Variants in NBAS observed in about 807,000 individuals in gnomAD.
NBAS encodes the protein NBAS subunit of NRZ tethering complex.
Under a neutral mutation model 302.5 loss-of-function variants are expected in NBAS, and 219 were observed. That is an observed-to-expected ratio of 0.72 (90% CI 0.65 to 0.81). The LOEUF (loss-of-function observed/expected upper bound fraction) is 0.81, where lower values mean the gene tolerates loss of function less well. NBAS is among the 30% of genes least tolerant of loss of function. NBAS has a pLI of 0.00. For missense variants in NBAS, 2,932 were observed against 2,841.6 expected, an observed-to-expected ratio of 1.03 and a Z score of -0.72; for synonymous variants, 1,118 against 1,021.6, an observed-to-expected ratio of 1.09 and a Z score of -1.80.
At chr2:15,553,739 ACT>A (rs1664492522) in intron 4 of NBAS, among the ~76,000 whole-genome samples, 1 of 37,394 alleles carries the variant, frequency 2.7e-5, no homozygotes, top group Non-Finnish European at 5.5e-5. Flanking sequence ...GCTCCCTCCC[ACT>A]CTCTCTCCCT....
the NBAS span, among the ~76,000 whole-genome samples, chr2:14,829,135 A>C: frequency 6.6e-6 from 1 of 151,916 alleles, no homozygotes; most frequent in African/African-American, 2.4e-5. Context: ...AGAATAGAAG[A>C]AGCCAAGGAT....
At chr2:14,880,990 T>G in the NBAS span, among the ~76,000 whole-genome samples, 37 of 151,306 alleles carry the variant, frequency 2.4e-4, no homozygotes, top group African/African-American at 8.7e-4. Context: ...ATCAGACTTC[T>G]CAATAACAGC....
At chr2:15,540,804 C>CCTCCATCT (rs1663778603) in intron 6 of NBAS, among the ~76,000 whole-genome samples, 1 of 151,978 alleles carries the variant, frequency 6.6e-6, no homozygotes, top group Admixed American at 6.6e-5. Flanking sequence ...CTCACTGCAA[C>CCTCCATCT]CTCCATCTCC....
chr2:14,876,675 AT>A, the NBAS span, among the ~76,000 whole-genome samples: 1 of 152,218 alleles, frequency 6.6e-6, no homozygotes, highest in Non-Finnish European at 1.5e-5. Context: ...AAGAATTATT[AT>A]TTTTGGTTGG....
chr2:14,904,052 C>T, the NBAS span, among the ~76,000 whole-genome samples: 2 of 152,196 alleles, frequency 1.3e-5, no homozygotes, highest in African/African-American at 4.8e-5. Context: ...GGGCATTTCT[C>T]ATTTTGTGTT....
intron 44 of NBAS, among the ~76,000 whole-genome samples, chr2:15,264,385 A>G (rs1166605539): frequency 6.6e-6 from 1 of 152,214 alleles, no homozygotes; most frequent in South Asian, 2.1e-4. Flanking sequence ...CCAACAGCTC[A>G]GCATCCCACC....
chr2:15,171,537 T>C (rs1216868220), intron 51 of NBAS, among the ~76,000 whole-genome samples: 2 of 152,252 alleles, frequency 1.3e-5, no homozygotes, highest in African/African-American at 2.4e-5. Flanking sequence ...TTTTAAGTTG[T>C]CTGATATTAC....
chr2:15,292,650 A>T lies in NBAS; in HGVS notation c.4914T>A (p.Arg1638=). Reference sequence around the variant, plus strand: ...TCTGCGCCTGAGTGAAATCCAGGAGACGTTCATTGTAGCAGTGTAACTGCT... The same window carrying T: ...TCTGCGCCTGAGTGAAATCCAGGAGTCGTTCATTGTAGCAGTGTAACTGCT... ...LTKQLHCYNE[R]LLDFTQAQIL... Residue 1638 remains arginine (R), a synonymous_variant, in exon 41 of 52, where the codon CGT becomes CGA. Coordinates refer to ENST00000281513, the MANE Select transcript of NBAS (RefSeq NM_015909.4). 6.2e-7 allele frequency: 1 copy of T among 1,614,174 alleles called. No homozygotes were observed. The highest frequency in any genetic ancestry group is 1.1e-5 in the South Asian group (1 of 91,080).
chr2:15,500,647 A>G (rs1661477654), intron 11 of NBAS, among the ~76,000 whole-genome samples: 1 of 97,910 alleles, frequency 1.0e-5, no homozygotes, highest in Admixed American at 1.0e-4. Context: ...GAAAAATAAA[A>G]AAAAAAGGCC....
the NBAS span, among the ~76,000 whole-genome samples, chr2:15,142,222 G>A: frequency 3.3e-5 from 5 of 152,160 alleles, no homozygotes; most frequent in African/African-American, 4.8e-5. Flanking sequence ...GAGGGGAACC[G>A]GAAGACAGCA....
At chr2:15,125,188 G>A in the NBAS span, among the ~76,000 whole-genome samples, 4 of 152,200 alleles carry the variant, frequency 2.6e-5, no homozygotes, top group Non-Finnish European at 5.9e-5. Context: ...TTCTCACACT[G>A]CTATAAAGAA....
At chr2:15,157,204 T>G in the NBAS span, among the ~76,000 whole-genome samples, 5 of 152,254 alleles carry the variant, frequency 3.3e-5, no homozygotes, top group East Asian at 5.8e-4. Flanking sequence ...CATGCTCACC[T>G]CCGTGTTCCC....
chr2:15,466,641 C>T (rs894900671), intron 19 of NBAS, among the ~76,000 whole-genome samples: 1 of 152,074 alleles, frequency 6.6e-6, no homozygotes, highest in Admixed American at 6.6e-5. Flanking sequence ...AACCCACTAA[C>T]AAATAATTAA....
chr2:14,993,205 C>G, the NBAS span, among the ~76,000 whole-genome samples: 1 of 152,104 alleles, frequency 6.6e-6, no homozygotes, highest in Non-Finnish European at 1.5e-5. Context: ...CTCCATGCTC[C>G]CCATTTTACA....
intron 44 of NBAS, among the ~76,000 whole-genome samples, chr2:15,247,193 T>A (rs750618438): frequency 1.6e-4 from 24 of 152,098 alleles, no homozygotes; most frequent in Non-Finnish European, 2.8e-4. Context: ...AAGAGAGGGT[T>A]TCTGGATCTC....
chr2:15,480,443 A>C (rs1254218017), intron 12 of NBAS, among the ~76,000 whole-genome samples: 1 of 152,082 alleles, frequency 6.6e-6, no homozygotes, highest in Non-Finnish European at 1.5e-5. Flanking sequence ...AATTAATATA[A>C]ATTAATATAA....
chr2:15,091,762 A>T, the NBAS span, among the ~76,000 whole-genome samples: 4 of 151,942 alleles, frequency 2.6e-5, no homozygotes, highest in African/African-American at 9.7e-5. Context: ...CAAACTCCTG[A>T]CCTCAAATGA....
chr2:14,950,601 T>C, the NBAS span, among the ~76,000 whole-genome samples: 1 of 152,136 alleles, frequency 6.6e-6, no homozygotes, highest in Non-Finnish European at 1.5e-5. Context: ...GGGAGAACTC[T>C]TACTCCAGTA....
At chr2:15,214,091 G>T (rs1572460872) in intron 48 of NBAS, among the ~76,000 whole-genome samples, 1 of 152,326 alleles carries the variant, frequency 6.6e-6, no homozygotes, top group Non-Finnish European at 1.5e-5. Flanking sequence ...ATGTCAGGGG[G>T]AAGTGGCATG....
Sources: gnomAD v4.1 joint callset for allele counts (sites outside exome capture counted in the v4.1 genomes callset) on GRCh38, gnomAD v4.1.1 for gene constraint, MANE v1.5 for transcripts, NCBI Gene and HGNC (gene_info 2026-07-23, HGNC 2026-07-21) for gene names.